ASB3: variants seen among roughly 807,000 people sequenced by gnomAD.
The protein encoded by ASB3 is ankyrin repeat and SOCS box containing 3.
A neutral mutation model predicts 54.5 loss-of-function variants in ASB3; 41 were observed. That is an observed-to-expected ratio of 0.75 (90% CI 0.59 to 0.98). The LOEUF is 0.98. Among genes scored for constraint, ASB3 ranks in the 50% least tolerant of loss-of-function variants. The pLI is 0.00. For missense variants in ASB3, 733 were observed against 620.0 expected (o/e 1.18, Z -1.94); for synonymous variants, 266 against 221.2 (o/e 1.20, Z -1.80).
intron 5 of ASB3, among the ~76,000 whole-genome samples, chr2:53,722,800 T>C (rs1015229478): frequency 2.6e-5 from 4 of 152,108 alleles, no homozygotes; most frequent in African/African-American, 7.2e-5. Flanking sequence ...TACCCACTCT[T>C]ACCACTCCTA....
chr2:53,745,871 C>T (rs1383992607), intron 3 of ASB3, among the ~76,000 whole-genome samples: 1 of 152,228 alleles, frequency 6.6e-6, no homozygotes, highest in African/African-American at 2.4e-5. Context: ...TTAAGTCCAA[C>T]TAGTCCAGCT....
intron 8 of ASB3, among the ~76,000 whole-genome samples, chr2:53,698,567 T>C (rs980338102): frequency 6.6e-6 from 1 of 152,224 alleles, no homozygotes; most frequent in African/African-American, 2.4e-5. Context: ...CCAGATAGCC[T>C]AGTTCATCAC....
chr2:53,670,517 T>TA lies in ASB3; in HGVS notation c.1542dup (p.Ile515TyrfsTer8), dbSNP rs1558506552. On this transcript the variant is annotated frameshift_variant, in exon 10 of 10. Coordinates refer to ENST00000263634, the MANE Select transcript of ASB3 (RefSeq NM_016115.5). LOFTEE classifies it high-confidence loss of function. The stretch of plus-strand genomic sequence containing the variant: ...GTTTCACTGATTTATCCATCTTGAA[T>TA]AGCTGCCAGTTCTGGAACTTCATAC... The TA allele has an allele frequency of 6.2e-7, 1 of 1,613,712 alleles. No individual in the cohort carries two copies. Among genetic ancestry groups the TA allele is most frequent in the Non-Finnish European group, 8.5e-7 (1 of 1,179,916 alleles).
At chr2:53,713,404 T>C (rs559649596) in intron 7 of ASB3, among the ~76,000 whole-genome samples, 4 of 152,348 alleles carry the variant, frequency 2.6e-5, no homozygotes, top group Middle Eastern at 3.4e-3. Context: ...TATTCCATTA[T>C]TGGATGACCA....
chr2:53,737,712 G>A (rs1240606400), intron 3 of ASB3, among the ~76,000 whole-genome samples: 1 of 122,398 alleles, frequency 8.2e-6, no homozygotes, highest in Non-Finnish European at 1.7e-5. Context: ...TGTCCAGGAC[G>A]TTTTAAAAAA....
At chr2:53,752,788 T>A (rs1028639876) in intron 2 of ASB3, among the ~76,000 whole-genome samples, 1 of 152,144 alleles carries the variant, frequency 6.6e-6, no homozygotes, top group South Asian at 2.1e-4. Flanking sequence ...AGTAATGTGC[T>A]CCTGGTACAA....
chr2:53,734,918 G>GTTTTT (rs35847412), intron 3 of ASB3, among the ~76,000 whole-genome samples: 2 of 119,674 alleles, frequency 1.7e-5, no homozygotes, highest in African/African-American at 3.3e-5. Flanking sequence ...CTTTATACAA[G>GTTTTT]TTTTTTTTTT....
At chr2:53,690,264 A>C (rs1346829089) in intron 9 of ASB3, among the ~76,000 whole-genome samples, 1 of 152,052 alleles carries the variant, frequency 6.6e-6, no homozygotes, top group Non-Finnish European at 1.5e-5. Flanking sequence ...TTAATTAATT[A>C]ATTAATTAAA....
chr2:53,726,752 G>A (rs546649580), intron 5 of ASB3, among the ~76,000 whole-genome samples: 11 of 151,150 alleles, frequency 7.3e-5, no homozygotes, highest in Admixed American at 1.3e-4. Flanking sequence ...ACTGGAGTGC[G>A]GTGGTGCGAT....
intron 3 of ASB3, 115 bp from the exon 4 acceptor site, chr2:53,729,685 T>G (rs1053971995): frequency 2.5e-6 from 2 of 794,740 alleles, no homozygotes; most frequent in Non-Finnish European, 4.2e-6. Flanking sequence ...GCTCTGATTA[T>G]TCCTAAACAG....
intron 9 of ASB3, among the ~76,000 whole-genome samples, chr2:53,686,708 T>C (rs948707330): frequency 2.0e-5 from 3 of 152,012 alleles, no homozygotes; most frequent in African/African-American, 7.2e-5. Context: ...TTTCTCCTTA[T>C]TTATTTATTT....
rs150481865 is a variant in ASB3 at position 53,693,956 on chromosome 2, T to A, written c.1297A>T (p.Thr433Ser). Residue 433 changes from threonine to serine, a missense_variant, in exon 9 of 10, where the codon ACA becomes TCA. Physicochemically the swap from Thr to Ser is moderately conservative, Grantham distance 58. Transcript: ENST00000263634. ...ATCCTTTCAACAGCTGGTGCAAGTG[T>A]CTTCCAATTAGTAAACTCCAAAGTG... The part of the protein sequence containing the change: ...IFTLEFTNWK[T>S]LAPAVERMLS... The A allele has an allele frequency of 8.1e-6, 13 of 1,613,660 alleles. No homozygotes were observed. In the African/African-American group the frequency reaches 1.5e-4, roughly 18 times the overall value.
intron 9 of ASB3, among the ~76,000 whole-genome samples, chr2:53,692,178 T>A (rs569898351): frequency 6.6e-6 from 1 of 152,266 alleles, no homozygotes; most frequent in South Asian, 2.1e-4. Flanking sequence ...ATCACCCCTA[T>A]GCTATGGATG....
In ASB3 at chr2:53,773,321, C is replaced by CAAGATATTA. The variant is rs201746456; in HGVS notation, c.-13-7737_-13-7736insTAATATCTT. Among the ~76,000 whole-genome samples the CAAGATATTA allele has an allele frequency of 6.8e-3, 1,031 of 152,128 alleles. 12 individuals are homozygous for CAAGATATTA. The highest frequency in any genetic ancestry group is 0.023 in the African/African-American group (959 of 41,512). On this transcript the variant is annotated intron_variant, in intron 1 of 9. Coordinates refer to ENST00000263634, the MANE Select transcript of ASB3 (RefSeq NM_016115.5). Reference sequence around the variant, plus strand: ...TTTTAAGATAAAATATCTTGCTGTGCCTATGATACAAAGAAATTATTCACA... The same window carrying CAAGATATTA: ...TTTTAAGATAAAATATCTTGCTGTGCAAGATATTACTATGATACAAAGAAATTATTCACA...
chr2:53,734,532 G>C (rs1671507408), intron 3 of ASB3, among the ~76,000 whole-genome samples: 1 of 152,120 alleles, frequency 6.6e-6, no homozygotes, highest in African/African-American at 2.4e-5. Flanking sequence ...TAATATTCCA[G>C]GTACTAGAGA....
chr2:53,768,168 C>CCCTGCCACCTG, intron 1 of ASB3: 1 of 918,612 alleles, frequency 1.1e-6, no homozygotes, highest in South Asian at 1.9e-5. Context: ...TGTAGATTTT[C>CCCTGCCACCTG]CCTGCCACCT....
chr2:53,753,388 G>C (rs1307980152), intron 2 of ASB3, among the ~76,000 whole-genome samples: 1 of 152,132 alleles, frequency 6.6e-6, no homozygotes, highest in African/African-American at 2.4e-5. Flanking sequence ...TGTTGGAGAG[G>C]AAGGTTACAT....
chr2:53,721,603 T>G (rs1012507469), intron 5 of ASB3, among the ~76,000 whole-genome samples: 1 of 151,910 alleles, frequency 6.6e-6, no homozygotes, highest in Non-Finnish European at 1.5e-5. Flanking sequence ...AACTTGCTCT[T>G]GGATAACTTT....
At chr2:53,753,510 A>G (rs911083964) in intron 2 of ASB3, among the ~76,000 whole-genome samples, 1 of 152,204 alleles carries the variant, frequency 6.6e-6, no homozygotes, top group Admixed American at 6.5e-5. Context: ...ACACGGAAAC[A>G]ACTATAGATG....
Sources: gnomAD v4.1 joint callset for allele counts (sites outside exome capture counted in the v4.1 genomes callset) on GRCh38, gnomAD v4.1.1 for gene constraint, MANE v1.5 for transcripts, NCBI Gene and HGNC (gene_info 2026-07-23, HGNC 2026-07-21) for gene names.